GDF6: variants seen among roughly 807,000 people sequenced by gnomAD.
GDF6 encodes the protein growth differentiation factor 6.
Under a neutral mutation model 32.4 loss-of-function variants are expected in GDF6, and 3 were observed. The observed-to-expected ratio is 0.09, with a 90% confidence interval of 0.04 to 0.24. GDF6 has a LOEUF of 0.24. GDF6 is among the 10% of genes least tolerant of loss of function. The pLI, the probability that GDF6 is intolerant of heterozygous loss-of-function variation, is 1.00. For synonymous variants in GDF6, 296 were observed against 295.3 expected (o/e 1.00, Z -0.03); for missense variants, 589 against 637.9 (o/e 0.92, Z 0.83).
chr8:96,160,243 G>C (rs1281888978), intron 1 of GDF6, 44 bp downstream of exon 1: 24 of 1,605,274 alleles, frequency 1.5e-5, no homozygotes, highest in African/African-American at 4.0e-5. Context: ...CCTGGCTGCC[G>C]AGCTCCAGCG....
intron 1 of GDF6, among the ~76,000 whole-genome samples, chr8:96,160,026 C>CG (rs762986296): frequency 3.7e-4 from 57 of 152,030 alleles, no homozygotes; most frequent in Non-Finnish European, 7.8e-4. Flanking sequence ...GCGGCAACCA[C>CG]GCTGCCTTCT....
intron 1 of GDF6, among the ~76,000 whole-genome samples, chr8:96,147,950 T>C (rs1812510921): frequency 6.6e-6 from 1 of 152,188 alleles, no homozygotes; most frequent in Non-Finnish European, 1.5e-5. Flanking sequence ...ATGATTTACT[T>C]CTCTCTCATG....
chr8:96,150,293 C>A (rs1285606444), intron 1 of GDF6, among the ~76,000 whole-genome samples: 2 of 152,244 alleles, frequency 1.3e-5, no homozygotes, highest in African/African-American at 4.8e-5. Context: ...CGCCTCCCAG[C>A]CATGTTCTCC....
chr8:96,152,237 T>G (rs1163249098), intron 1 of GDF6, among the ~76,000 whole-genome samples: 1 of 152,168 alleles, frequency 6.6e-6, no homozygotes, highest in Non-Finnish European at 1.5e-5. Flanking sequence ...TCCCGATTCT[T>G]CTCAGTCCTG....
At chr8:96,156,859 TG>T (rs961530201) in intron 1 of GDF6, among the ~76,000 whole-genome samples, 3 of 152,234 alleles carry the variant, frequency 2.0e-5, no homozygotes, top group African/African-American at 7.2e-5. Context: ...TTCCATTTTT[TG>T]ACTTCTGCTT....
In GDF6 at chr8:96,144,244, T is replaced by TGAGAGAGAGAGAG. The variant is rs1369067045; in HGVS notation, c.*318_*319insCTCTCTCTCTCTC. The TGAGAGAGAGAGAG allele has an allele frequency of 4.6e-6, 1 of 217,270 alleles. No homozygotes were observed. The highest frequency in any genetic ancestry group is 4.3e-5 in the African/African-American group (1 of 23,494). The allele number at this position is 217,270 out of a possible 1,614,324, so 13.5% of individuals were successfully genotyped here. ...ATAAGGAAATCCAAAGCCACAGTAA[T>TGAGAGAGAGAGAG]AGAGAGAGAGAGAGAGAGAGAGAGA... On this transcript the variant is annotated 3_prime_UTR_variant, in exon 2 of 2. Transcript: ENST00000287020. The surrounding 1 kb of genome is among the most constrained non-coding windows in gnomAD (Gnocchi z 5.1).
Position 96,145,403 on chromosome 8 carries a change from G to A in GDF6, c.528C>T (p.Pro176=), listed in dbSNP as rs548565578. The A allele has an allele frequency of 4.4e-6, 7 of 1,582,296 alleles. No homozygotes were observed. In the Admixed American group the frequency reaches 1.2e-4, roughly 28 times the overall value. The change falls in exon 2 of 2, where the codon CCC becomes CCT. Residue 176 remains proline (P), a synonymous_variant. Transcript: ENST00000287020. This position sits in a 1 kb window ranked among gnomAD's most constrained non-coding sequence, Gnocchi z 5.6. ...GGAGCGGCCCGGCTGGTGGCCCCCA[G>A]GGCGCTGAGGGCGCCTGGCGAAAGA... ...LRLFRQAPSA[P]WGPPAGPLHV...
intron 1 of GDF6, among the ~76,000 whole-genome samples, chr8:96,157,992 C>A (rs1812696368): frequency 6.6e-6 from 1 of 152,214 alleles, no homozygotes; most frequent in Non-Finnish European, 1.5e-5. Flanking sequence ...CTCCGCACTC[C>A]TTCACCCCCG....
Position 96,145,363 on chromosome 8 carries a change from G to C in GDF6, c.568C>G (p.Pro190Ala). 1 of 1,558,720 alleles carries C rather than the reference G, an allele frequency of 6.4e-7. No homozygotes were observed. Among genetic ancestry groups the C allele is most frequent in the Non-Finnish European group, 8.6e-7 (1 of 1,159,358 alleles). Residue 190 changes from proline to alanine, a missense_variant, in exon 2 of 2, where the codon CCT becomes GCT. This residue lies in a region of GDF6 where 436 missense variants were observed against 411.2 expected (regional missense o/e 1.06). Coordinates refer to ENST00000287020, the MANE Select transcript of GDF6 (RefSeq NM_001001557.4). The surrounding 1 kb of genome is among the most constrained non-coding windows in gnomAD (Gnocchi z 5.6). ...TCCAGCAGTAGGGGCGAAAGGCAAGGGAAGAGCTGCACGTGGAGCGGCCCG... is the reference window on the plus strand; with the variant it reads ...TCCAGCAGTAGGGGCGAAAGGCAAGCGAAGAGCTGCACGTGGAGCGGCCCG... The part of the protein sequence containing the change: ...PAGPLHVQLF[P>A]CLSPLLLDAR...
intron 1 of GDF6, among the ~76,000 whole-genome samples, chr8:96,147,424 G>A (rs1381513692): frequency 3.3e-5 from 5 of 152,220 alleles, no homozygotes; most frequent in African/African-American, 9.6e-5. Context: ...ATCTCTGGAC[G>A]TACTGCCTTA....
intron 1 of GDF6, among the ~76,000 whole-genome samples, chr8:96,157,051 T>C (rs1812676626): frequency 6.6e-6 from 1 of 152,166 alleles, no homozygotes; most frequent in Admixed American, 6.5e-5. Flanking sequence ...GATGATAGCG[T>C]TTTCCTAGGA....
chr8:96,149,979 C>T (rs1812540698), intron 1 of GDF6, among the ~76,000 whole-genome samples: 2 of 152,206 alleles, frequency 1.3e-5, no homozygotes, highest in Non-Finnish European at 2.9e-5. Flanking sequence ...GGGGCTACTT[C>T]CTTGGGCTAG....
chr8:96,144,536 C>A lies in GDF6; in HGVS notation c.*27G>T. 6.2e-7 allele frequency: 1 copy of A among 1,610,838 alleles called. No individual in the cohort carries two copies. ...GGCGGACCTTGGCCCACCTTGGTTC[C>A]GGGCCAAGGCGGCGGGAAAGGCACC... On this transcript the variant is annotated 3_prime_UTR_variant, in exon 2 of 2. Coordinates refer to ENST00000287020, the MANE Select transcript of GDF6 (RefSeq NM_001001557.4). The surrounding 1 kb of genome is among the most constrained non-coding windows in gnomAD (Gnocchi z 5.1).
chr8:96,155,096 A>G (rs1812636967), intron 1 of GDF6, among the ~76,000 whole-genome samples: 1 of 152,182 alleles, frequency 6.6e-6, no homozygotes, highest in African/African-American at 2.4e-5. Flanking sequence ...TTTAATGCGC[A>G]GAAACCACAA....
Position 96,149,951 on chromosome 8 carries a change from C to T in GDF6, c.407-4427G>A, listed in dbSNP as rs549400669. On this transcript the variant is annotated intron_variant, in intron 1 of 1. Coordinates refer to ENST00000287020, the MANE Select transcript of GDF6 (RefSeq NM_001001557.4). ...GCCCACTCCAGCCTGCCCACTCCAG[C>T]CCCAGAGCCTTCTGCTGGGGGCTAC... Among the ~76,000 whole-genome samples the T allele has an allele frequency of 7.2e-4, 110 of 152,340 alleles. 1 individual carries two copies. The highest frequency in any genetic ancestry group is 2.5e-3 in the African/African-American group (105 of 41,576).
chr8:96,147,518 G>T (rs73698506), intron 1 of GDF6, among the ~76,000 whole-genome samples: 33,687 of 152,174 alleles, frequency 0.22, 5,286 homozygotes, highest in African/African-American at 0.44. Flanking sequence ...AGCTAAATGT[G>T]GTTAGGAATA....
At chr8:96,153,639 A>C (rs1046300564) in intron 1 of GDF6, among the ~76,000 whole-genome samples, 1 of 152,218 alleles carries the variant, frequency 6.6e-6, no homozygotes, top group African/African-American at 2.4e-5. Flanking sequence ...CGGAGCTGGA[A>C]TATGATCGGG....
intron 1 of GDF6, among the ~76,000 whole-genome samples, chr8:96,156,466 C>G (rs1284746917): frequency 2.0e-5 from 3 of 151,682 alleles, no homozygotes; most frequent in Non-Finnish European, 4.4e-5. Context: ...TCTCTCAGCC[C>G]TGCTAAATTC....
chr8:96,144,289 A>AGAGAGAGAGAGAGAGAGG lies in GDF6; in HGVS notation c.*273_*274insCCTCTCTCTCTCTCTCTC, dbSNP rs1370445465. ...GAGAGAGAGAGAGAGAGAGAGAGAG[A>AGAGAGAGAGAGAGAGAGG]GAAAACAGAACAAAAGAAATCCTCC... On this transcript the variant is annotated 3_prime_UTR_variant, in exon 2 of 2. Transcript: ENST00000287020. The surrounding 1 kb of genome is among the most constrained non-coding windows in gnomAD (Gnocchi z 5.1). 5.0e-5 allele frequency: 25 copies of AGAGAGAGAGAGAGAGAGG among 495,992 alleles called. No homozygotes were observed. In the African/African-American group the frequency reaches 5.2e-4, roughly 10 times the overall value. 30.7% of individuals were successfully genotyped at this position (495,992 alleles called of 1,614,324 possible).
Sources: gnomAD v4.1 joint callset for allele counts (sites outside exome capture counted in the v4.1 genomes callset) on GRCh38, gnomAD v4.1.1 for gene constraint, gnomAD v4.1.1 regional missense constraint, Gnocchi (gnomAD v3.1) non-coding constraint, MANE v1.5 for transcripts, NCBI Gene and HGNC (gene_info 2026-07-23, HGNC 2026-07-21) for gene names.